The following SMARCA2 variants were observed in gnomAD, a reference collection of about 807,000 sequenced individuals.
The protein encoded by SMARCA2 is SWI/SNF-related matrix-associated actin-dependent regulator of chromatin subfamily A member 2.
Under a neutral mutation model 199.8 loss-of-function variants are expected in SMARCA2, and 61 were observed. The ratio of observed to expected loss-of-function variants is 0.31; its 90% CI spans 0.25 to 0.38. The LOEUF is 0.38. Among genes scored for constraint, SMARCA2 ranks in the 10% least tolerant of loss-of-function variants. SMARCA2 has a pLI of 1.00. For synonymous variants in SMARCA2, 935 were observed against 732.0 expected (o/e 1.28, Z -4.48); for missense variants, 1,344 against 2,012.2 (o/e 0.67, Z 6.35).
At chr9:2,180,143 G>C (rs566027526) in intron 29 of SMARCA2, among the ~76,000 whole-genome samples, 1 of 152,252 alleles carries the variant, frequency 6.6e-6, no homozygotes, top group African/African-American at 2.4e-5. Context: ...TTGCTGCAGT[G>C]ATCCAGAAAT....
chr9:2,029,624 C>T (rs1818976253), intron 2 of SMARCA2, among the ~76,000 whole-genome samples: 1 of 152,070 alleles, frequency 6.6e-6, no homozygotes, highest in Non-Finnish European at 1.5e-5. Context: ...ATTATTCTTT[C>T]CTAAAAAGGC....
intron 14 of SMARCA2, among the ~76,000 whole-genome samples, chr9:2,081,193 T>G (rs550942407): frequency 2.0e-5 from 3 of 152,338 alleles, no homozygotes; most frequent in South Asian, 2.1e-4. Context: ...ACTTTTGTAC[T>G]TAACGTGGGG....
intron 1 of SMARCA2, among the ~76,000 whole-genome samples, chr9:2,023,852 G>T (rs1226668211): frequency 6.6e-6 from 1 of 152,132 alleles, no homozygotes; most frequent in South Asian, 2.1e-4. Context: ...AGCCCTTCAG[G>T]TCAGGGGAGA....
Position 2,039,517 on chromosome 9 carries a change from G to A in SMARCA2, c.407G>A (p.Ser136Asn). 4 of 1,614,064 alleles carry A rather than the reference G, an allele frequency of 2.5e-6. No homozygotes were observed. Among genetic ancestry groups the A allele is most frequent in the South Asian group, 2.2e-5 (2 of 91,070 alleles). ...SPLGAPEHVS[S>N]PMSGGGPTPP... is the part of the protein sequence containing the mutation. The stretch of plus-strand genomic sequence containing the variant: ...TTAGGAGCCCCAGAGCACGTCTCCA[G>A]CCCTATGTCTGGAGGAGGCCCAACT... Residue 136 changes from serine to asparagine, a missense_variant, in exon 4 of 34, where the codon AGC becomes AAC. By Grantham distance (46) the Ser-to-Asn change is conservative. Transcript: ENST00000349721. The surrounding 1 kb of genome is among the most constrained non-coding windows in gnomAD (Gnocchi z 4.8).
At chr9:2,179,070 T>C (rs181400963) in intron 29 of SMARCA2, among the ~76,000 whole-genome samples, 19 of 152,300 alleles carry the variant, frequency 1.2e-4, no homozygotes, top group African/African-American at 4.3e-4. Flanking sequence ...AAGGAAATAC[T>C]TGGAGAGGAG....
chr9:2,051,476 C>T (rs897641501), intron 5 of SMARCA2, among the ~76,000 whole-genome samples: 9 of 152,170 alleles, frequency 5.9e-5, no homozygotes, highest in South Asian at 2.1e-4. Context: ...TCCTCATTTC[C>T]GCTCCACTTC....
intron 30 of SMARCA2, 47 bp from the exon 31 acceptor site, chr9:2,182,094 T>C: frequency 8.2e-7 from 1 of 1,214,002 alleles, no homozygotes. Flanking sequence ...ATCGCTGAAT[T>C]TTCCTCTCCC....
At chr9:2,120,364 A>C (rs1347149016) in intron 26 of SMARCA2, among the ~76,000 whole-genome samples, 1 of 151,756 alleles carries the variant, frequency 6.6e-6, no homozygotes, top group Non-Finnish European at 1.5e-5. Flanking sequence ...TGCTTTGTCT[A>C]TGGGGGGACA....
chr9:2,060,222 A>T (rs1037083556), intron 8 of SMARCA2, among the ~76,000 whole-genome samples: 4 of 152,022 alleles, frequency 2.6e-5, no homozygotes, highest in African/African-American at 7.3e-5. Context: ...TTAAAATATA[A>T]GACATTATTT....
Position 2,083,415 on chromosome 9 carries a change from T to C in SMARCA2, c.2415+2T>C. The C allele has an allele frequency of 6.3e-7, 1 of 1,594,740 alleles. No homozygotes were observed. ...TCTGTGGTGAAGATTTCTTACAAGG[T>C]TTGGAATGCTGTATTTATATATAAA... On this transcript the variant is annotated splice_donor_variant, in intron 16 of 33. Coordinates refer to ENST00000349721, the MANE Select transcript of SMARCA2 (RefSeq NM_003070.5). LOFTEE classifies it high-confidence loss of function.
chr9:2,063,030 C>T (rs1226254544), intron 9 of SMARCA2, among the ~76,000 whole-genome samples: 1 of 152,120 alleles, frequency 6.6e-6, no homozygotes, highest in Non-Finnish European at 1.5e-5. Context: ...TTGATTATCT[C>T]ACATGATCAA....
intron 32 of SMARCA2, among the ~76,000 whole-genome samples, chr9:2,189,419 A>G (rs984161489): frequency 1.3e-5 from 2 of 151,992 alleles, no homozygotes; most frequent in Non-Finnish European, 2.9e-5. Context: ...GCTCTCAAGG[A>G]TACATTTTCT....
chr9:2,191,851 G>A (rs1372467297), intron 33 of SMARCA2: 1 of 146,332 alleles, frequency 6.8e-6, no homozygotes, highest in Non-Finnish European at 1.5e-5. Flanking sequence ...AAAACTCAAA[G>A]GACTTTTTAA....
intron 15 of SMARCA2, 56 bp from the exon 16 acceptor site, chr9:2,083,291 C>A: frequency 1.7e-6 from 2 of 1,150,974 alleles, no homozygotes; most frequent in Non-Finnish European, 2.5e-6. Context: ...ATCTTTTTAA[C>A]CATTGATTTT....
At chr9:2,080,811 A>G (rs971056984) in intron 14 of SMARCA2, among the ~76,000 whole-genome samples, 20 of 152,322 alleles carry the variant, frequency 1.3e-4, no homozygotes, top group Middle Eastern at 6.8e-3. Context: ...ATACATATAC[A>G]TTGGCACTGT....
At chr9:2,135,282 T>C (rs996770872) in intron 27 of SMARCA2, among the ~76,000 whole-genome samples, 1 of 152,200 alleles carries the variant, frequency 6.6e-6, no homozygotes, top group African/African-American at 2.4e-5. Context: ...CCTCAATGGA[T>C]TGGATGATTC....
intron 27 of SMARCA2, among the ~76,000 whole-genome samples, chr9:2,151,841 C>A (rs79520073): frequency 1.3e-5 from 2 of 151,908 alleles, no homozygotes; most frequent in South Asian, 2.1e-4. Flanking sequence ...ATTTAAATTG[C>A]GCTAGGAACA....
chr9:2,120,291 T>C (rs1409608658), intron 26 of SMARCA2, among the ~76,000 whole-genome samples: 1 of 152,160 alleles, frequency 6.6e-6, no homozygotes, highest in Non-Finnish European at 1.5e-5. Flanking sequence ...TTGAGTGCCA[T>C]CAGATCTTAC....
intron 5 of SMARCA2, among the ~76,000 whole-genome samples, chr9:2,051,718 G>C (rs1820126977): frequency 6.6e-6 from 1 of 152,218 alleles, no homozygotes; most frequent in Non-Finnish European, 1.5e-5. Flanking sequence ...TAGAACCAAG[G>C]ATGCGGAATA....
Sources: allele counts gnomAD v4.1 joint callset (sites outside exome capture counted in the v4.1 genomes callset), GRCh38; gene constraint gnomAD v4.1.1; non-coding constraint Gnocchi (gnomAD v3.1); transcripts MANE v1.5; gene names NCBI Gene and HGNC (gene_info 2026-07-23, HGNC 2026-07-21).